The following TELO2 variants were observed in gnomAD, a reference collection of about 807,000 sequenced individuals.
TELO2 encodes the protein telomere length regulation protein TEL2 homolog.
Under a neutral mutation model 91.0 loss-of-function variants are expected in TELO2, and 71 were observed. That is an observed-to-expected ratio of 0.78 (90% CI 0.64 to 0.95). The LOEUF (loss-of-function observed/expected upper bound fraction) is 0.95. Among genes scored for constraint, TELO2 ranks in the 40% least tolerant of loss-of-function variants. The probability of loss-of-function intolerance (pLI) is 0.00; values close to 1 mark genes in which losing one functional copy is unlikely to be tolerated. For synonymous variants in TELO2, 584 were observed against 518.9 expected (o/e 1.13, Z -1.71); for missense variants, 1,183 against 1,141.3 (o/e 1.04, Z -0.53).
chr16:1,507,585 G>A lies in TELO2; in HGVS notation c.2292-16G>A, dbSNP rs751264827. On this transcript the variant is annotated splice_polypyrimidine_tract_variant and intron_variant, in intron 19 of 20. Transcript: ENST00000262319. ...GTGGTCCCTGCCGAGCTCAGCCCCCGCCTTCTTGCCGGCAGCTACGTGCGC... is the reference window on the plus strand; with the variant it reads ...GTGGTCCCTGCCGAGCTCAGCCCCCACCTTCTTGCCGGCAGCTACGTGCGC... 4.5e-5 allele frequency: 70 copies of A among 1,572,014 alleles called. No individual in the cohort carries two copies. The South Asian group carries it at 5.4e-4, about 12-fold the overall frequency.
At chr16:1,506,594 C>T (rs1263838222) in intron 17 of TELO2, 24 of 1,400,196 alleles carry the variant, frequency 1.7e-5, no homozygotes, top group East Asian at 1.1e-4. Flanking sequence ...ACGTGCCCGA[C>T]GCCATCACCT....
At position 1,493,927 on chromosome 16, in the gene TELO2, C is replaced by T. The variant is rs954446396; in HGVS notation, c.-36-319C>T. On this transcript the variant is annotated intron_variant, in intron 1 of 20. Coordinates refer to ENST00000262319, the MANE Select transcript of TELO2 (RefSeq NM_016111.4). This position sits in a 1 kb window ranked among gnomAD's most constrained non-coding sequence, Gnocchi z 4.3. ...CGAGGACGCGTGGGGCCGCGCTGTG[C>T]CCGGGGAACACTCACCAGCATCTCT... Among the ~76,000 whole-genome samples, 1 of 152,228 alleles carries T rather than the reference C, an allele frequency of 6.6e-6. No individual in the cohort carries two copies. The highest frequency in any genetic ancestry group is 2.4e-5 in the African/African-American group (1 of 41,456).
intron 20 of TELO2, among the ~76,000 whole-genome samples, chr16:1,509,299 T>A (rs1359860609): frequency 6.6e-6 from 1 of 152,138 alleles, no homozygotes; most frequent in African/African-American, 2.4e-5. Context: ...ACCCTGCGAT[T>A]CTAGCCCAAT....
chr16:1,501,409 C>T lies in TELO2; in HGVS notation c.1282-11C>T, dbSNP rs771396477. ...CTGGCGGATGCCGCTGAGCCTGCTC[C>T]CCTGCTGTAGTACGAAGAGGATGAA... is the stretch of plus-strand genomic sequence containing the variant. On this transcript the variant is annotated splice_polypyrimidine_tract_variant and intron_variant, in intron 9 of 20. Transcript: ENST00000262319. 1.9e-6 allele frequency: 3 copies of T among 1,611,928 alleles called. No homozygotes were observed. Among genetic ancestry groups the T allele is most frequent in the Admixed American group, 3.3e-5 (2 of 59,938 alleles).
Position 1,500,709 on chromosome 16 carries a change from C to T in TELO2, c.1281+10C>T, listed in dbSNP as rs750889699. 6 of 1,611,528 alleles carry T rather than the reference C, an allele frequency of 3.7e-6. No homozygotes were observed. In the African/African-American group the frequency reaches 4.0e-5, roughly 11 times the overall value. ...TCCCCTGAAATTCCAGGTGAGCGGG[C>T]CGTCCCCTCCGCGTCCCCGTGTGGC... On this transcript the variant is annotated intron_variant, in intron 9 of 20. Transcript: ENST00000262319.
In TELO2 at chr16:1,501,512, GC is replaced by G. The variant is rs766643663; in HGVS notation, c.1361+19del. 6.2e-7 allele frequency: 1 copy of G among 1,602,498 alleles called. No individual in the cohort carries two copies. The highest frequency in any genetic ancestry group is 2.2e-5 in the East Asian group (1 of 44,614). On this transcript the variant is annotated intron_variant, in intron 10 of 20. Transcript: ENST00000262319. ...CCTCGGAGGCGGGGTGAGGGTCTCT[GC>G]CCCCCGGGACCCCACCGCGTGCACA...
chr16:1,499,557 C>T (rs989175197), intron 6 of TELO2, among the ~76,000 whole-genome samples: 3 of 149,964 alleles, frequency 2.0e-5, no homozygotes, highest in Non-Finnish European at 4.4e-5. Flanking sequence ...TTCTAGACTC[C>T]CGAGAAGCCA....
Position 1,501,941 on chromosome 16 carries a change from G to T in TELO2, c.1473-106G>T, listed in dbSNP as rs983987441. 2.6e-6 allele frequency: 4 copies of T among 1,526,388 alleles called. No homozygotes were observed. The South Asian group carries it at 3.4e-5, about 13-fold the overall frequency. The allele number at this position is 1,526,388 out of a possible 1,614,324, so 94.6% of individuals were successfully genotyped here. A position where few individuals can be genotyped will look rare whatever the true frequency, so the allele number is the denominator to read the frequency against. Reference sequence around the variant, plus strand: ...CAGCTCCACCGTAGGCGCAGGGGCCGAGGCGTGAGCTCCGCATCTTGGGGA... The same window carrying T: ...CAGCTCCACCGTAGGCGCAGGGGCCTAGGCGTGAGCTCCGCATCTTGGGGA... On this transcript the variant is annotated intron_variant, in intron 11 of 20. Transcript: ENST00000262319.
intron 19 of TELO2, 115 bp from the exon 20 acceptor site, chr16:1,507,486 C>A: frequency 6.7e-7 from 1 of 1,497,898 alleles, no homozygotes; most frequent in East Asian, 2.4e-5. Context: ...TGGTACTTCC[C>A]AAATAGGAAG....
At chr16:1,507,550 G>T in intron 19 of TELO2, 51 bp from the exon 20 acceptor site, 1 of 1,525,932 alleles carries the variant, frequency 6.6e-7, no homozygotes, top group African/African-American at 1.4e-5. Context: ...GGGAGTGGGA[G>T]GTCTGGGGTG....
chr16:1,494,331 A>C lies in TELO2; in HGVS notation c.50A>C (p.His17Pro). The change falls in exon 2 of 21, where the codon CAT (histidine) becomes CCT (proline). Residue 17 changes from histidine (H) to proline (P), a missense_variant. Physicochemically the swap from His to Pro is moderately conservative, Grantham distance 77 (BLOSUM62 -2). Transcript: ENST00000262319. The surrounding 1 kb of genome is among the most constrained non-coding windows in gnomAD (Gnocchi z 5.6). ...EVRLAVREAI[H>P]ALSSSEDGGH... ...CGACTCGCCGTCCGGGAAGCCATTC[A>C]TGCCCTCTCGTCTTCGGAGGATGGC... is the stretch of plus-strand genomic sequence containing the variant. The C allele has an allele frequency of 1.2e-6, 2 of 1,613,418 alleles. No individual in the cohort carries two copies. Among genetic ancestry groups the C allele is most frequent in the Non-Finnish European group, 1.7e-6 (2 of 1,179,992 alleles).
In TELO2 at chr16:1,501,446, G is replaced by GCTGCTGGCCTTGGCCTC. The variant is rs750732723; in HGVS notation, c.1310_1326dup (p.Pro443CysfsTer70). 1.2e-6 allele frequency: 2 copies of GCTGCTGGCCTTGGCCTC among 1,612,208 alleles called. No homozygotes were observed. The highest frequency in any genetic ancestry group is 1.7e-6 in the Non-Finnish European group (2 of 1,179,610). On this transcript the variant is annotated frameshift_variant, in exon 10 of 21. Coordinates refer to ENST00000262319, the MANE Select transcript of TELO2 (RefSeq NM_016111.4). LOFTEE classifies it high-confidence loss of function. ...ACGAAGAGGATGAACTGAGCCTCGAGCTGCTGGCCTTGGCCTCCCCCCAGC... is the reference window on the plus strand; with the variant it reads ...ACGAAGAGGATGAACTGAGCCTCGAGCTGCTGGCCTTGGCCTCCTGCTGGCCTTGGCCTCCCCCCAGC...
intron 15 of TELO2, among the ~76,000 whole-genome samples, chr16:1,504,683 G>A (rs2039825241): frequency 6.9e-6 from 1 of 145,492 alleles, no homozygotes; most frequent in South Asian, 2.4e-4. Context: ...TCAGCCTCCC[G>A]AGTAGCTGGG....
At chr16:1,501,324 G>C (rs534741139) in intron 9 of TELO2, 96 bp from the exon 10 acceptor site, 8 of 1,351,372 alleles carry the variant, frequency 5.9e-6, no homozygotes, top group East Asian at 2.5e-5. Context: ...ACCGGGCTGC[G>C]AGGGAGGCCA....
chr16:1,507,492 G>A (rs1377445086), intron 19 of TELO2, 109 bp from the exon 20 acceptor site: 13 of 1,499,408 alleles, frequency 8.7e-6, no homozygotes, highest in Non-Finnish European at 1.2e-5. Context: ...TTCCCAAATA[G>A]GAAGTGTGCC....
chr16:1,500,061 T>A, intron 6 of TELO2, 35 bp from the exon 7 acceptor site: 1 of 1,592,456 alleles, frequency 6.3e-7, no homozygotes. Flanking sequence ...GGCGGCGGCC[T>A]CAGCCCAGTG....
rs778705940 is a variant in TELO2 at position 1,502,330 on chromosome 16, G to A, written c.1579G>A (p.Asp527Asn). 6 of 1,606,414 alleles carry A rather than the reference G, an allele frequency of 3.7e-6. No individual in the cohort carries two copies. In the African/African-American group the frequency reaches 4.0e-5, roughly 11 times the overall value. The part of the protein sequence containing the change: ...DCVEALTTSE[D>N]IERWEAALRA... ...CTGTGCAGCCCTGACCACGTCTGAG[G>A]ACATAGAGCGCTGGGAGGCAGCCCT... The change falls in exon 13 of 21, where the codon GAC (aspartate) becomes AAC (asparagine). Residue 527 changes from aspartate to asparagine, a missense_variant. Transcript: ENST00000262319.
At position 1,497,302 on chromosome 16, in the gene TELO2, G is replaced by A; in HGVS notation, c.683-59G>A. 6.7e-7 allele frequency: 1 copy of A among 1,503,012 alleles called. No individual in the cohort carries two copies. Among genetic ancestry groups the A allele is most frequent in the Middle Eastern group, 2.4e-4 (1 of 4,230 alleles). The allele number at this position is 1,503,012 out of a possible 1,614,324, so 93.1% of individuals were successfully genotyped here. ...GGACTGTCCTTGCTGGACCCACACA[G>A]CCCCAGACACCAGGTGGGTGCAGCT... On this transcript the variant is annotated intron_variant, in intron 4 of 20. Transcript: ENST00000262319. This position sits in a 1 kb window ranked among gnomAD's most constrained non-coding sequence, Gnocchi z 4.0.
chr16:1,502,415 G>A lies in TELO2; in HGVS notation c.1653+11G>A. On this transcript the variant is annotated intron_variant, in intron 13 of 20. Coordinates refer to ENST00000262319, the MANE Select transcript of TELO2 (RefSeq NM_016111.4). ...ACAGCCACTCGGGAGGTGAGTGGGGGGCGGGAGTGGGTGGGGAGGCCCAAG... is the reference window on the plus strand; with the variant it reads ...ACAGCCACTCGGGAGGTGAGTGGGGAGCGGGAGTGGGTGGGGAGGCCCAAG... The A allele has an allele frequency of 6.3e-7, 1 of 1,582,688 alleles. No homozygotes were observed. Among genetic ancestry groups the A allele is most frequent in the Non-Finnish European group, 8.6e-7 (1 of 1,166,288 alleles).
Sources: gnomAD v4.1 joint callset for allele counts (sites outside exome capture counted in the v4.1 genomes callset) on GRCh38, gnomAD v4.1.1 for gene constraint, Gnocchi (gnomAD v3.1) non-coding constraint, MANE v1.5 for transcripts, NCBI Gene and HGNC (gene_info 2026-07-23, HGNC 2026-07-21) for gene names.